RAB5IF: variants seen among roughly 807,000 people sequenced by gnomAD.
The protein encoded by RAB5IF is GEL complex subunit OPTI.
In RAB5IF, 15 loss-of-function variants were observed where a neutral mutation model predicts 20.3. The observed-to-expected ratio is 0.74, with a 90% CI of 0.50 to 1.14. The LOEUF (loss-of-function observed/expected upper bound fraction) is 1.14, where lower values mean the gene tolerates loss of function less well. Ranked by LOEUF, RAB5IF falls within the 50% of genes most tolerant of loss-of-function variation. RAB5IF has a pLI of 0.00. For synonymous variants in RAB5IF, 67 were observed against 63.7 expected (o/e 1.05, Z -0.25); for missense variants, 148 against 159.5 (o/e 0.93, Z 0.39).
chr20:36,611,209 T>C (rs911457690), intron 3 of RAB5IF, among the ~76,000 whole-genome samples: 1 of 152,064 alleles, frequency 6.6e-6, no homozygotes, highest in African/African-American at 2.4e-5. Flanking sequence ...AGGCTGGTCT[T>C]GGAACTCCTG....
chr20:36,607,996 CTCAGGTCAG>C (rs1393787055), intron 2 of RAB5IF, 178 bp downstream of exon 2: 2 of 1,479,826 alleles, frequency 1.4e-6, no homozygotes, highest in East Asian at 5.6e-5. Context: ...TCAGGAGCAT[CTCAGGTCAG>C]GCAGGTTACC....
At position 36,612,249 on chromosome 20, in the gene RAB5IF, G is replaced by C. The variant is rs1202166025; in HGVS notation, c.*198G>C. On this transcript the variant is annotated 3_prime_UTR_variant, in exon 4 of 4. Coordinates refer to ENST00000344795, the MANE Select transcript of RAB5IF (RefSeq NM_018840.5). ...AACTTTTTAAAAACCACCCACCTTT[G>C]GGGAAGCATTTCTGAATTTATCCAT... 6.2e-7 allele frequency: 1 copy of C among 1,605,148 alleles called. No homozygotes were observed. The highest frequency in any genetic ancestry group is 2.2e-5 in the East Asian group (1 of 44,816).
intron 2 of RAB5IF, 122 bp from the exon 3 acceptor site, chr20:36,609,479 A>T: frequency 7.2e-7 from 1 of 1,394,432 alleles, no homozygotes; most frequent in Non-Finnish European, 9.5e-7. Flanking sequence ...ACCGCAAGTG[A>T]TCCGCCCACC....
At chr20:36,606,386 A>G (rs1485309679) in intron 1 of RAB5IF, among the ~76,000 whole-genome samples, 2 of 152,214 alleles carry the variant, frequency 1.3e-5, no homozygotes, top group African/African-American at 2.4e-5. Context: ...TCCGCCTTTT[A>G]TGTGCAGTAG....
Position 36,612,319 on chromosome 20 carries a change from T to G in RAB5IF, c.*268T>G. On this transcript the variant is annotated 3_prime_UTR_variant, in exon 4 of 4. Transcript: ENST00000344795. ...GATACCATCAAGTAACAGCTATTAT[T>G]TGCCAAGTGGAGCTGTCATTTAATT... 1 of 1,167,730 alleles carries G rather than the reference T, an allele frequency of 8.6e-7. No homozygotes were observed. Among genetic ancestry groups the G allele is most frequent in the Non-Finnish European group, 1.3e-6 (1 of 784,302 alleles). 72.3% of individuals were successfully genotyped at this position (1,167,730 alleles called of 1,614,324 possible).
intron 1 of RAB5IF, among the ~76,000 whole-genome samples, chr20:36,606,611 A>G (rs1434704432): frequency 6.6e-6 from 1 of 152,148 alleles, no homozygotes; most frequent in Non-Finnish European, 1.5e-5. Flanking sequence ...TGTTGAATGT[A>G]AAGGACCGAA....
chr20:36,612,391 T>G lies in RAB5IF; in HGVS notation c.*340T>G. On this transcript the variant is annotated 3_prime_UTR_variant, in exon 4 of 4. Coordinates refer to ENST00000344795, the MANE Select transcript of RAB5IF (RefSeq NM_018840.5). ...TGAAACATTAAATTGTCTTCCTCGA[T>G]TCTCCATCGGGTGTAGAGTTTTTAA... is the stretch of plus-strand genomic sequence containing the variant. 1.5e-6 allele frequency: 1 copy of G among 670,922 alleles called. No individual in the cohort carries two copies. The highest frequency in any genetic ancestry group is 2.6e-6 in the Non-Finnish European group (1 of 388,368). 41.6% of individuals were successfully genotyped at this position (670,922 alleles called of 1,614,324 possible).
intron 2 of RAB5IF, among the ~76,000 whole-genome samples, chr20:36,609,172 C>CAT (rs1568595338): frequency 1.4e-3 from 33 of 23,274 alleles, no homozygotes; most frequent in Non-Finnish European, 2.7e-3. Flanking sequence ...CACACACACA[C>CAT]ACACACACAC....
At chr20:36,608,359 C>T (rs2038983587) in intron 2 of RAB5IF, among the ~76,000 whole-genome samples, 1 of 152,040 alleles carries the variant, frequency 6.6e-6, no homozygotes, top group Non-Finnish European at 1.5e-5. Flanking sequence ...ATTTTCCTGC[C>T]TCAGCCTCCT....
intron 3 of RAB5IF, among the ~76,000 whole-genome samples, chr20:36,610,033 A>G (rs553508949): frequency 6.6e-6 from 1 of 152,356 alleles, no homozygotes; most frequent in East Asian, 1.9e-4. Context: ...CTGTAATCCC[A>G]GCATTTTGGG....
intron 2 of RAB5IF, 151 bp downstream of exon 2, chr20:36,607,969 G>T (rs777281445): frequency 6.1e-5 from 91 of 1,501,624 alleles, no homozygotes; most frequent in Non-Finnish European, 7.9e-5. Context: ...GCACTCCTGG[G>T]TCTGGTGCAC....
chr20:36,606,011 C>T lies in RAB5IF; in HGVS notation c.60C>T (p.Leu20=). The T allele has an allele frequency of 6.5e-7, 1 of 1,529,728 alleles. No individual in the cohort carries two copies. Among genetic ancestry groups the T allele is most frequent in the Non-Finnish European group, 8.8e-7 (1 of 1,135,642 alleles). 94.8% of individuals were successfully genotyped at this position (1,529,728 alleles called of 1,614,324 possible). A position where few individuals can be genotyped will look rare whatever the true frequency, so the allele number is the denominator to read the frequency against. ...PPQPQLANGA[L]KVSVWSKVLR... Reference sequence around the variant, plus strand: ...AGCCGCAGCTGGCCAACGGGGCCCTCAAAGTCTCCGTCTGGAGTAAGGTGC... The same window carrying T: ...AGCCGCAGCTGGCCAACGGGGCCCTTAAAGTCTCCGTCTGGAGTAAGGTGC... The change falls in exon 1 of 4, where the codon CTC becomes CTT. Residue 20 remains leucine, a synonymous_variant. Transcript: ENST00000344795.
chr20:36,608,098 C>T (rs2038978158), intron 2 of RAB5IF: 1 of 576,862 alleles, frequency 1.7e-6, no homozygotes, highest in Non-Finnish European at 2.8e-6. Context: ...ACTACTTGTT[C>T]GTGGCATGCA....
chr20:36,610,024 T>G (rs979475184), intron 3 of RAB5IF, among the ~76,000 whole-genome samples: 2 of 152,240 alleles, frequency 1.3e-5, no homozygotes, highest in Admixed American at 6.5e-5. Context: ...GGCTCACGCC[T>G]GTAATCCCAG....
rs112145080 is a variant in RAB5IF, at chr20:36,608,622, G to C, written c.218+804G>C. ...TCTGTCGCCCAGGCAGGCGTGTACT[G>C]GCGTGATCTCGGCTCACTGCAACCT... is the stretch of plus-strand genomic sequence containing the variant. On this transcript the variant is annotated intron_variant, in intron 2 of 3. Transcript: ENST00000344795. Among the ~76,000 whole-genome samples, 727 of 148,076 alleles carry C rather than the reference G, an allele frequency of 4.9e-3. 7 individuals are homozygous for C. Among genetic ancestry groups the C allele is most frequent in the African/African-American group, 0.017 (699 of 40,024 alleles).
intron 2 of RAB5IF, among the ~76,000 whole-genome samples, chr20:36,609,190 C>CAGA (rs1568595416): frequency 3.1e-4 from 16 of 52,124 alleles, no homozygotes; most frequent in Non-Finnish European, 5.5e-4. Context: ...CACACACACA[C>CAGA]ACACGCACAC....
intron 2 of RAB5IF, chr20:36,608,137 G>A: frequency 2.6e-6 from 1 of 389,620 alleles, no homozygotes; most frequent in Non-Finnish European, 4.8e-6. Flanking sequence ...CTTTGTACCT[G>A]TGCGAGTTTG....
intron 3 of RAB5IF, among the ~76,000 whole-genome samples, chr20:36,611,165 T>A (rs1168319050): frequency 6.6e-6 from 1 of 152,140 alleles, no homozygotes; most frequent in Non-Finnish European, 1.5e-5. Context: ...ATTTTTTGTA[T>A]TTTTAGTAGA....
At chr20:36,607,601 T>C (rs1038223319) in intron 1 of RAB5IF, 114 bp from the exon 2 acceptor site, 2 of 1,256,430 alleles carry the variant, frequency 1.6e-6, no homozygotes, top group Non-Finnish European at 2.2e-6. Flanking sequence ...CTGTTGCCTT[T>C]GGGGGGAAAC....
Sources: allele counts gnomAD v4.1 joint callset (sites outside exome capture counted in the v4.1 genomes callset), GRCh38; gene constraint gnomAD v4.1.1; transcripts MANE v1.5; gene names NCBI Gene and HGNC (gene_info 2026-07-23, HGNC 2026-07-21).